ANKUB1: variants seen among roughly 807,000 people sequenced by gnomAD.
ANKUB1 encodes ankyrin repeat and ubiquitin domain containing 1, also known as protein ANKUB1.
In ANKUB1, 42 loss-of-function variants were observed where a neutral mutation model predicts 49.3. The observed-to-expected ratio is 0.85, with a 90% CI of 0.67 to 1.10. ANKUB1 has a LOEUF of 1.10. Ranked by LOEUF, ANKUB1 falls within the 50% of genes least tolerant of loss-of-function variation. The pLI, the probability that ANKUB1 is intolerant of heterozygous loss-of-function variation, is 0.00. For missense variants in ANKUB1, 613 were observed against 642.0 expected (o/e 0.95, Z 0.49); for synonymous variants, 222 against 231.0 (o/e 0.96, Z 0.35).
Position 149,761,360 on chromosome 3 carries a change from G to T in ANKUB1, c.*124C>A. The T allele has an allele frequency of 8.6e-7, 1 of 1,167,920 alleles. No individual in the cohort carries two copies. The highest frequency in any genetic ancestry group is 1.8e-5 in the South Asian group (1 of 54,942). The allele number at this position is 1,167,920 out of a possible 1,614,324, so 72.3% of individuals were successfully genotyped here. A position where few individuals can be genotyped will look rare whatever the true frequency, so the allele number is the denominator to read the frequency against. On this transcript the variant is annotated 3_prime_UTR_variant, in exon 6 of 6. Transcript: ENST00000446160. ...CATGGTGTTAAATATCCTATTAAAA[G>T]TTATGTGGCATTATAACTGTTACTA... is the stretch of plus-strand genomic sequence containing the variant.
chr3:149,781,649 C>G (rs114253941), intron 2 of ANKUB1, among the ~76,000 whole-genome samples: 11 of 152,318 alleles, frequency 7.2e-5, no homozygotes, highest in South Asian at 2.1e-4. Context: ...AGGGCCCCCC[C>G]AGTCCTGCAG....
At chr3:149,778,257 C>T (rs1036537507) in intron 3 of ANKUB1, 2 of 152,372 alleles carry the variant, frequency 1.3e-5, no homozygotes, top group South Asian at 2.1e-4. Context: ...AAACAGCCTA[C>T]TCAGGTCATG....
intron 2 of ANKUB1, among the ~76,000 whole-genome samples, chr3:149,790,449 T>C (rs1302455256): frequency 1.3e-5 from 2 of 152,198 alleles, no homozygotes; most frequent in Non-Finnish European, 2.9e-5. Context: ...ACCAAAGTGA[T>C]CTAATGCTCT....
At position 149,763,255 on chromosome 3, in the gene ANKUB1, C is replaced by A. The variant is rs1466495739; in HGVS notation, c.1506-1642G>T. 3.9e-5 allele frequency among the ~76,000 whole-genome samples: 6 copies of A among 152,190 alleles called. No individual in the cohort carries two copies. In the East Asian group the frequency reaches 1.2e-3, roughly 29 times the overall value. ...CAGCCTTTCCCTGTATCCCACCAGA[C>A]TTAGTTTGAAGTCCTCTCCTGTTCT... is the stretch of plus-strand genomic sequence containing the variant. On this transcript the variant is annotated intron_variant, in intron 5 of 5. Coordinates refer to ENST00000446160, the MANE Select transcript of ANKUB1 (RefSeq NM_001144960.3).
rs565696662 is a variant in ANKUB1 at position 149,761,383 on chromosome 3, C to A, written c.*101G>T. ...AAGTTATGTGGCATTATAACTGTTACTAGAGATGATAACATTAGAACTGTT... is the reference window on the plus strand; with the variant it reads ...AAGTTATGTGGCATTATAACTGTTAATAGAGATGATAACATTAGAACTGTT... On this transcript the variant is annotated 3_prime_UTR_variant, in exon 6 of 6. Coordinates refer to ENST00000446160, the MANE Select transcript of ANKUB1 (RefSeq NM_001144960.3). 61 of 1,330,538 alleles carry A rather than the reference C, an allele frequency of 4.6e-5. No homozygotes were observed. The Middle Eastern group carries it at 1.8e-3, about 39-fold the overall frequency. 82.4% of individuals were successfully genotyped at this position (1,330,538 alleles called of 1,614,324 possible). A position where few individuals can be genotyped will look rare whatever the true frequency, so the allele number is the denominator to read the frequency against.
Position 149,767,827 on chromosome 3 carries a change from T to A in ANKUB1, c.835A>T (p.Thr279Ser), listed in dbSNP as rs754529029. The A allele has an allele frequency of 1.9e-6, 3 of 1,551,622 alleles. No individual in the cohort carries two copies. The East Asian group carries it at 7.3e-5, about 38-fold the overall frequency. The part of the protein sequence containing the change: ...CKNAAGQTPL[T>S]IVFKHKHKDC... ...TTATGCTTGTGTTTGAACACAATGG[T>A]CAGGGGAGTTTGTCCTGCTGCATTT... Residue 279 changes from threonine to serine, a missense_variant, in exon 5 of 6, where the codon ACC (threonine) becomes TCC (serine). Transcript: ENST00000446160.
rs1260855189 is a variant in ANKUB1 at position 149,782,543 on chromosome 3, CA to C, written c.235-2089del. Reference sequence around the variant, plus strand: ...TGGAACAAGTAATAAGGGAGAACTGCAAAATATCTGGCAATTTTTTTGAGAT... The same window carrying C: ...TGGAACAAGTAATAAGGGAGAACTGCAAATATCTGGCAATTTTTTTGAGAT... On this transcript the variant is annotated intron_variant, in intron 2 of 5. Coordinates refer to ENST00000446160, the MANE Select transcript of ANKUB1 (RefSeq NM_001144960.3). Among the ~76,000 whole-genome samples, 3 of 151,908 alleles carry C rather than the reference CA, an allele frequency of 2.0e-5. 1 individual carries two copies. Among genetic ancestry groups the C allele is most frequent in the Admixed American group, 2.0e-4 (3 of 15,254 alleles).
Position 149,777,344 on chromosome 3 carries a change from T to C in ANKUB1, c.451+2895A>G, listed in dbSNP as rs543972673. On this transcript the variant is annotated intron_variant, in intron 3 of 5. Coordinates refer to ENST00000446160, the MANE Select transcript of ANKUB1 (RefSeq NM_001144960.3). ...AACATTAGCTGGGAGTGGTGGCGCG[T>C]GCCTGTAGTCCCAGCTACTCAGGAG... 4.0e-4 allele frequency among the ~76,000 whole-genome samples: 60 copies of C among 151,460 alleles called. No homozygotes were observed. The South Asian group carries it at 0.012, about 29-fold the overall frequency.
chr3:149,774,810 CT>C (rs1232615265), intron 3 of ANKUB1, among the ~76,000 whole-genome samples: 1 of 152,158 alleles, frequency 6.6e-6, no homozygotes. Flanking sequence ...CCTTTCACCC[CT>C]GTTGCTTTGT....
Position 149,780,322 on chromosome 3 carries a change from G to A in ANKUB1, c.368C>T (p.Pro123Leu), listed in dbSNP as rs1416704878. 1 of 1,551,830 alleles carries A rather than the reference G, an allele frequency of 6.4e-7. No individual in the cohort carries two copies. ...GGTTCGGAGACAGTAGACACTCACG[G>A]GGAGGCCACATCTCAGAGTTACCAG... ...RTLVTLRCGLPVSVYCLRTPR... is the reference protein window; with the variant it reads ...RTLVTLRCGLLVSVYCLRTPR... The change falls in exon 3 of 6, where the codon CCC (proline) becomes CTC (leucine). Residue 123 changes from proline to leucine, a missense_variant. Pro to Leu is a moderately conservative substitution (Grantham distance 98). Transcript: ENST00000446160.
intron 4 of ANKUB1, among the ~76,000 whole-genome samples, chr3:149,768,696 C>A (rs1717182915): frequency 6.6e-6 from 1 of 152,098 alleles, no homozygotes; most frequent in Admixed American, 6.5e-5. Context: ...TGCGAGCCAC[C>A]ACACCTGGCT....
Position 149,792,484 on chromosome 3 carries a change from T to C in ANKUB1, c.-118A>G, listed in dbSNP as rs928556478. On this transcript the variant is annotated 5_prime_UTR_variant, in exon 1 of 6. Transcript: ENST00000446160. ...AATGATAGCCAGAGGCAGCTGTCAC[T>C]GTCTAGCCTCAAAGGTAAGTTGTAG... 1.5e-6 allele frequency: 1 copy of C among 685,092 alleles called. No individual in the cohort carries two copies. The highest frequency in any genetic ancestry group is 2.3e-6 in the Non-Finnish European group (1 of 439,690). 42.4% of individuals were successfully genotyped at this position (685,092 alleles called of 1,614,324 possible). A position where few individuals can be genotyped will look rare whatever the true frequency, so the allele number is the denominator to read the frequency against.
At chr3:149,787,075 T>A (rs775771122) in intron 2 of ANKUB1, among the ~76,000 whole-genome samples, 19 of 152,234 alleles carry the variant, frequency 1.2e-4, no homozygotes, top group Non-Finnish European at 2.4e-4. Flanking sequence ...TGGTTCCATA[T>A]GAACTTTAAA....
At position 149,770,653 on chromosome 3, in the gene ANKUB1, AC is replaced by A; in HGVS notation, c.472del (p.Val158SerfsTer9). On this transcript the variant is annotated frameshift_variant, in exon 4 of 6. Coordinates refer to ENST00000446160, the MANE Select transcript of ANKUB1 (RefSeq NM_001144960.3). LOFTEE classifies it high-confidence loss of function. Reference protein sequence around the residue: ...TDIGTTLRLDVWDGWKEFLMG... With the variant: ...TDIGTTLRLDXWDGWKEFLMG... ...CAGAAATTCCTTCCATCCATCCCAG[AC>A]ATCCAAGCGAAGTGTTGTGCCTGTG... 6.5e-7 allele frequency: 1 copy of A among 1,549,866 alleles called. No homozygotes were observed. The highest frequency in any genetic ancestry group is 8.7e-7 in the Non-Finnish European group (1 of 1,146,120).
At chr3:149,788,572 C>T (rs1015481952) in intron 2 of ANKUB1, among the ~76,000 whole-genome samples, 7 of 152,012 alleles carry the variant, frequency 4.6e-5, no homozygotes, top group Admixed American at 3.9e-4. Context: ...TGAATAACCT[C>T]TTTTACCCCT....
intron 2 of ANKUB1, among the ~76,000 whole-genome samples, chr3:149,785,072 AC>A (rs1718035058): frequency 6.6e-6 from 1 of 152,112 alleles, no homozygotes; most frequent in African/African-American, 2.4e-5. Flanking sequence ...AAAAACATAC[AC>A]TTTTGCAGTG....
chr3:149,775,342 C>T (rs1453916623), intron 3 of ANKUB1, among the ~76,000 whole-genome samples: 1 of 152,104 alleles, frequency 6.6e-6, no homozygotes, highest in Non-Finnish European at 1.5e-5. Flanking sequence ...ACTTAAAGGC[C>T]ATCAATAAAA....
At chr3:149,778,062 C>A (rs139992451) in intron 3 of ANKUB1, among the ~76,000 whole-genome samples, 75 of 152,288 alleles carry the variant, frequency 4.9e-4, no homozygotes, top group Non-Finnish European at 1.0e-3. Flanking sequence ...GTAAGAGAAG[C>A]TGATCAAGGA....
At chr3:149,780,560 T>A in intron 2 of ANKUB1, 105 bp from the exon 3 acceptor site, 2 of 799,954 alleles carry the variant, frequency 2.5e-6, no homozygotes, top group Non-Finnish European at 4.1e-6. Flanking sequence ...ACATGGGTGT[T>A]AATGTGAAAG....
Sources: gnomAD v4.1 joint callset for allele counts (sites outside exome capture counted in the v4.1 genomes callset) on GRCh38, gnomAD v4.1.1 for gene constraint, MANE v1.5 for transcripts, NCBI Gene and HGNC (gene_info 2026-07-23, HGNC 2026-07-21) for gene names.